PCDH15: variants seen among roughly 807,000 people sequenced by gnomAD.
PCDH15 encodes protocadherin related 15.
In PCDH15, 129 loss-of-function variants were observed where a neutral mutation model predicts 178.5. That is an observed-to-expected ratio of 0.72 (90% CI 0.63 to 0.84). The LOEUF is 0.84. Ranked by LOEUF, PCDH15 falls within the 40% of genes least tolerant of loss-of-function variation. The pLI is 0.00. For missense variants in PCDH15, 2,230 were observed against 2,099.9 expected (o/e 1.06, Z -1.21); for synonymous variants, 800 against 732.0 (o/e 1.09, Z -1.50).
At chr10:54,418,721 T>G (rs1401707687) in intron 3 of PCDH15, among the ~76,000 whole-genome samples, 1 of 151,936 alleles carries the variant, frequency 6.6e-6, no homozygotes, top group East Asian at 1.9e-4. Flanking sequence ...AAAATAATAA[T>G]AATTTGGGGG....
intron 1 of PCDH15, among the ~76,000 whole-genome samples, chr10:55,229,987 T>C (rs924986935): frequency 6.6e-6 from 1 of 152,002 alleles, no homozygotes; most frequent in African/African-American, 2.4e-5. Context: ...ACAATAGCAA[T>C]GGGGCTATTT....
At chr10:53,977,954 C>T (rs778860285) in intron 21 of PCDH15, among the ~76,000 whole-genome samples, 1 of 152,210 alleles carries the variant, frequency 6.6e-6, no homozygotes, top group African/African-American at 2.4e-5. Flanking sequence ...TAGAAGTGTG[C>T]TGCCATGGCC....
chr10:55,569,552 A>G (rs1033649532), intron 2 of PCDH15, among the ~76,000 whole-genome samples: 2 of 151,650 alleles, frequency 1.3e-5, no homozygotes, highest in African/African-American at 4.8e-5. Flanking sequence ...CAGAGAACTC[A>G]TCCTTGATTT....
intron 2 of PCDH15, among the ~76,000 whole-genome samples, chr10:55,068,002 T>C (rs148151729): frequency 0.01 from 1,572 of 152,196 alleles, 14 homozygotes; most frequent in Non-Finnish European, 0.016. Flanking sequence ...TCCTGTAAAA[T>C]AGGTAGTTTC....
At chr10:54,305,111 A>C (rs970096383) in intron 8 of PCDH15, among the ~76,000 whole-genome samples, 9 of 152,110 alleles carry the variant, frequency 5.9e-5, no homozygotes. Flanking sequence ...TGTTATGTAC[A>C]TAATTTCTTT....
intron 15 of PCDH15, among the ~76,000 whole-genome samples, chr10:54,099,180 G>C (rs2094757465): frequency 6.6e-6 from 1 of 152,098 alleles, no homozygotes; most frequent in African/African-American, 2.4e-5. Context: ...AGCTGTGAGA[G>C]AAGTAGACAG....
chr10:54,920,804 A>T (rs1013953686), intron 2 of PCDH15, among the ~76,000 whole-genome samples: 6 of 152,212 alleles, frequency 3.9e-5, no homozygotes, highest in African/African-American at 1.4e-4. Context: ...TGGAATATAC[A>T]CAACTATTTT....
At chr10:54,326,191 A>G (rs1938043864) in intron 7 of PCDH15, among the ~76,000 whole-genome samples, 1 of 152,134 alleles carries the variant, frequency 6.6e-6, no homozygotes, top group Admixed American at 6.6e-5. Flanking sequence ...TTGGCCCTCA[A>G]GCAAGTCTCA....
chr10:54,025,074 C>T (rs1466483019), intron 18 of PCDH15, among the ~76,000 whole-genome samples: 1 of 152,040 alleles, frequency 6.6e-6, no homozygotes, highest in Non-Finnish European at 1.5e-5. Context: ...TTTTTATTGA[C>T]CCATATAATT....
At chr10:54,542,433 G>A (rs2085347938) in intron 2 of PCDH15, among the ~76,000 whole-genome samples, 1 of 152,114 alleles carries the variant, frequency 6.6e-6, no homozygotes, top group African/African-American at 2.4e-5. Flanking sequence ...TTGGACTGAG[G>A]TTCTACTATG....
At chr10:53,973,421 C>T (rs2089927677) in intron 21 of PCDH15, among the ~76,000 whole-genome samples, 1 of 151,522 alleles carries the variant, frequency 6.6e-6, no homozygotes, top group Non-Finnish European at 1.5e-5. Context: ...GCACATGTAC[C>T]CTAGAACTTA....
chr10:55,416,017 T>C (rs1838473668), intron 2 of PCDH15, among the ~76,000 whole-genome samples: 1 of 149,240 alleles, frequency 6.7e-6, no homozygotes, highest in Non-Finnish European at 1.5e-5. Flanking sequence ...CCCACACTGT[T>C]AAAAGCTTTT....
intron 23 of PCDH15, among the ~76,000 whole-genome samples, chr10:53,957,961 T>C (rs978367791): frequency 6.6e-6 from 1 of 152,222 alleles, no homozygotes; most frequent in Non-Finnish European, 1.5e-5. Context: ...TATGGAAGAT[T>C]TTCTGGTAAT....
At chr10:54,494,757 T>A (rs748535064) in intron 3 of PCDH15, among the ~76,000 whole-genome samples, 1 of 152,134 alleles carries the variant, frequency 6.6e-6, no homozygotes, top group Non-Finnish European at 1.5e-5. Context: ...TTCTTTTGAA[T>A]AGGGTCTCTC....
At chr10:55,528,659 C>T (rs982511141) in intron 2 of PCDH15, among the ~76,000 whole-genome samples, 1 of 152,120 alleles carries the variant, frequency 6.6e-6, no homozygotes, top group African/African-American at 2.4e-5. Flanking sequence ...CAAGCCTTTG[C>T]TATTGTGAAT....
chr10:55,168,835 G>T (rs1173652739), intron 1 of PCDH15, among the ~76,000 whole-genome samples: 4 of 152,066 alleles, frequency 2.6e-5, no homozygotes, highest in Non-Finnish European at 4.4e-5. Context: ...TAGTTCCAAA[G>T]ACCAAATTAT....
chr10:54,413,056 G>C (rs914573467), intron 3 of PCDH15, among the ~76,000 whole-genome samples: 5 of 152,212 alleles, frequency 3.3e-5, no homozygotes, highest in Non-Finnish European at 7.3e-5. Flanking sequence ...TTCCACGAAA[G>C]AAGGGAGCAT....
chr10:53,892,105 A>G (rs2081609024), intron 26 of PCDH15, among the ~76,000 whole-genome samples: 1 of 142,624 alleles, frequency 7.0e-6, no homozygotes, highest in African/African-American at 2.7e-5. Flanking sequence ...GCTCACTGCA[A>G]CCTCAGACGC....
chr10:55,276,088 G>A (rs1199949736), intron 1 of PCDH15, among the ~76,000 whole-genome samples: 4 of 150,062 alleles, frequency 2.7e-5, no homozygotes, highest in Non-Finnish European at 4.5e-5. Context: ...GTTGATTTTT[G>A]CATTTAGTAA....
Sources: gnomAD v4.1 joint callset for allele counts (sites outside exome capture counted in the v4.1 genomes callset) on GRCh38, gnomAD v4.1.1 for gene constraint, MANE v1.5 for transcripts, NCBI Gene and HGNC (gene_info 2026-07-23, HGNC 2026-07-21) for gene names.